The following PPP2R2C variants were observed in gnomAD, a reference collection of about 807,000 sequenced individuals.
PPP2R2C encodes protein phosphatase 2, regulatory subunit B, gamma.
In PPP2R2C, 10 loss-of-function variants were observed where a neutral mutation model predicts 45.3. The observed-to-expected ratio is 0.22, with a 90% CI of 0.14 to 0.37. The LOEUF (loss-of-function observed/expected upper bound fraction) is 0.37. Among genes scored for constraint, PPP2R2C ranks in the 10% least tolerant of loss-of-function variants. PPP2R2C has a pLI of 1.00. For synonymous variants in PPP2R2C, 257 were observed against 245.4 expected (o/e 1.05, Z -0.44); for missense variants, 308 against 619.7 (o/e 0.50, Z 5.34).
In PPP2R2C at chr4:6,469,235, T is replaced by C. The variant is rs60383655; in HGVS notation, c.70+2925A>G. On this transcript the variant is annotated intron_variant, in intron 1 of 8. Transcript: ENST00000382599. Reference sequence around the variant, plus strand: ...AGGGCTCCCACGGGCAAAGATGACATTGGACATGGGGCCCAAAGGATGAGA... The same window carrying C: ...AGGGCTCCCACGGGCAAAGATGACACTGGACATGGGGCCCAAAGGATGAGA... 2.4e-3 allele frequency among the ~76,000 whole-genome samples: 372 copies of C among 152,200 alleles called. 2 individuals are homozygous for C. The highest frequency in any genetic ancestry group is 8.6e-3 in the African/African-American group (356 of 41,516).
At position 6,554,979 on chromosome 4, in the gene PPP2R2C, A is replaced by AGAGAAGAG. The variant is rs1560620534; in HGVS notation, c.-59+8580_-59+8581insCTCTTCTC. Among the ~76,000 whole-genome samples the AGAGAAGAG allele has an allele frequency of 2.5e-3, 315 of 125,258 alleles. 5 individuals are homozygous for AGAGAAGAG. The East Asian group carries it at 0.033, about 13-fold the overall frequency. 82.2% of individuals were successfully genotyped at this position (125,258 alleles called of 152,430 possible). On this transcript the variant is annotated intron_variant, in intron 1 of 9. Transcript: ENST00000506140. ...AGAAAGAAAGAAAGAGAAAGAAAGA[A>AGAGAAGAG]AAGAGAAGAGAAGAGAAGAGAAAAG...
chr4:6,499,416 G>A (rs1202794587), intron 2 of PPP2R2C, among the ~76,000 whole-genome samples: 1 of 152,158 alleles, frequency 6.6e-6, no homozygotes, highest in South Asian at 2.1e-4. Context: ...CAGTGCCTCC[G>A]ACAGGCCACA....
chr4:6,535,352 A>G (rs1724571222), exon 2 of PPP2R2C: 2 of 1,532,820 alleles, frequency 1.3e-6, no homozygotes, highest in African/African-American at 1.4e-5. Flanking sequence ...GGTCATTTCA[A>G]AAAAGGTCTT....
At chr4:6,381,289 C>T (rs1206106219) in intron 1 of PPP2R2C, 195 bp from the exon 2 acceptor site, 20 of 1,529,000 alleles carry the variant, frequency 1.3e-5, no homozygotes, top group Admixed American at 2.0e-5. Context: ...CCCTCCTCTT[C>T]CCTCTGCACT....
At chr4:6,470,903 G>A (rs996190300) in intron 1 of PPP2R2C, among the ~76,000 whole-genome samples, 2 of 151,792 alleles carry the variant, frequency 1.3e-5, no homozygotes, top group Admixed American at 6.6e-5. Flanking sequence ...GCCTCCCTCC[G>A]CCCAGGTCCC....
In PPP2R2C at chr4:6,329,445, C is replaced by T. The variant is rs1233505159; in HGVS notation, c.961-92G>A. 3 of 1,060,122 alleles carry T rather than the reference C, an allele frequency of 2.8e-6. No individual in the cohort carries two copies. The highest frequency in any genetic ancestry group is 1.6e-5 in the African/African-American group (1 of 64,214). 65.7% of individuals were successfully genotyped at this position (1,060,122 alleles called of 1,614,324 possible). A position where few individuals can be genotyped will look rare whatever the true frequency, so the allele number is the denominator to read the frequency against. Reference sequence around the variant, plus strand: ...GGTCTCAAAGAGCAGCGAGGGTCTGCATGCCCTGACATGGCCCAGCGCAGA... The same window carrying T: ...GGTCTCAAAGAGCAGCGAGGGTCTGTATGCCCTGACATGGCCCAGCGCAGA... On this transcript the variant is annotated intron_variant, in intron 7 of 8. Transcript: ENST00000382599. The surrounding 1 kb of genome is among the most constrained non-coding windows in gnomAD (Gnocchi z 5.8).
At chr4:6,413,773 A>T in intron 1 of PPP2R2C, 1 of 1,208,792 alleles carries the variant, frequency 8.3e-7, no homozygotes, top group South Asian at 1.5e-5. Context: ...GGTCACTGAG[A>T]CTCTGAGAAG....
chr4:6,473,029 CCCTT>C (rs1190392962), upstream of PPP2R2C, among the ~76,000 whole-genome samples: 1 of 152,036 alleles, frequency 6.6e-6, no homozygotes, highest in Non-Finnish European at 1.5e-5. Context: ...GACACTGTCT[CCCTT>C]CATTAGTAGA....
chr4:6,431,726 C>T (rs2109411141), intron 1 of PPP2R2C, among the ~76,000 whole-genome samples: 1 of 152,300 alleles, frequency 6.6e-6, no homozygotes, highest in East Asian at 1.9e-4. Flanking sequence ...GGACAAGAGA[C>T]CCTGGACCTC....
chr4:6,404,758 C>G (rs1687297341), intron 1 of PPP2R2C, among the ~76,000 whole-genome samples: 2 of 152,166 alleles, frequency 1.3e-5, no homozygotes, highest in Admixed American at 6.5e-5. Context: ...AGCAGGGAGG[C>G]ACGGAAAAGC....
intron 3 of PPP2R2C, among the ~76,000 whole-genome samples, chr4:6,377,884 A>G (rs1046118681): frequency 3.3e-5 from 5 of 152,124 alleles, no homozygotes; most frequent in African/African-American, 1.2e-4. Context: ...CTCCTCCCTG[A>G]GGCAAGAGGA....
intron 8 of PPP2R2C, among the ~76,000 whole-genome samples, chr4:6,326,247 G>A (rs1268862875): frequency 1.3e-5 from 2 of 152,162 alleles, no homozygotes; most frequent in Admixed American, 1.3e-4. Context: ...GATGAGGCCA[G>A]TGTGTAAGAA....
intron 3 of PPP2R2C, 120 bp from the exon 4 acceptor site, chr4:6,376,051 C>T: frequency 1.2e-6 from 1 of 823,534 alleles, no homozygotes; most frequent in Non-Finnish European, 1.9e-6. Context: ...GTTCTGCCAA[C>T]AGACGGCTTT....
intron 2 of PPP2R2C, among the ~76,000 whole-genome samples, chr4:6,482,978 G>A (rs1015267976): frequency 9.5e-5 from 3 of 31,706 alleles, no homozygotes; most frequent in African/African-American, 2.2e-4. Context: ...TTGTTTTGTG[G>A]TATCTATTAA....
intron 1 of PPP2R2C, chr4:6,383,279 C>G: frequency 8.0e-7 from 1 of 1,248,294 alleles, no homozygotes; most frequent in Non-Finnish European, 1.0e-6. Context: ...CAGGGCCCCA[C>G]TGACCCACAG....
At chr4:6,399,450 AT>A (rs1390450621) in intron 1 of PPP2R2C, among the ~76,000 whole-genome samples, 1 of 152,244 alleles carries the variant, frequency 6.6e-6, no homozygotes, top group Non-Finnish European at 1.5e-5. Context: ...AACTAAGATC[AT>A]TGATCAATCC....
chr4:6,439,762 G>C (rs1002780498), intron 1 of PPP2R2C, among the ~76,000 whole-genome samples: 2 of 152,094 alleles, frequency 1.3e-5, no homozygotes, highest in African/African-American at 4.8e-5. Context: ...TGTATTTTCA[G>C]CATCAAGTCC....
At chr4:6,394,594 C>T (rs1395335960) in intron 1 of PPP2R2C, among the ~76,000 whole-genome samples, 2 of 152,204 alleles carry the variant, frequency 1.3e-5, no homozygotes, top group Non-Finnish European at 2.9e-5. Flanking sequence ...ATAAGAGTCA[C>T]CCCTGCCGCA....
At chr4:6,477,765 C>T (rs1301820530) in intron 2 of PPP2R2C, among the ~76,000 whole-genome samples, 1 of 149,754 alleles carries the variant, frequency 6.7e-6, no homozygotes, top group Non-Finnish European at 1.5e-5. Context: ...TGGAACTGGA[C>T]CTCCTCTTTG....
Sources: allele counts gnomAD v4.1 joint callset (sites outside exome capture counted in the v4.1 genomes callset), GRCh38; gene constraint gnomAD v4.1.1; non-coding constraint Gnocchi (gnomAD v3.1); transcripts MANE v1.5; gene names NCBI Gene and HGNC (gene_info 2026-07-23, HGNC 2026-07-21).